The following BUB1B variants were observed in gnomAD, a reference collection of about 807,000 sequenced individuals.
The protein encoded by BUB1B is mitotic checkpoint serine/threonine-protein kinase BUB1 beta.
In BUB1B, 86 loss-of-function variants were observed where a neutral mutation model predicts 137.7. That is an observed-to-expected ratio of 0.62 (90% confidence interval 0.52 to 0.75). BUB1B has a LOEUF of 0.75. Ranked by LOEUF, BUB1B falls within the 30% of genes least tolerant of loss-of-function variation. The probability of loss-of-function intolerance (pLI) is 0.00; values close to 1 mark genes in which losing one functional copy is unlikely to be tolerated. For synonymous variants in BUB1B, 420 were observed against 417.9 expected, an observed-to-expected ratio of 1.00 and a Z score of -0.06; for missense variants, 1,130 against 1,236.9, an observed-to-expected ratio of 0.91 and a Z score of 1.30.
intron 13 of BUB1B, 37 bp from the exon 14 acceptor site, chr15:40,202,551 AT>A: frequency 6.2e-7 from 1 of 1,603,440 alleles, no homozygotes; most frequent in Non-Finnish European, 8.5e-7. Flanking sequence ...GGTTACTGTT[AT>A]GAAAAAAATT....
At chr15:40,208,962 TG>T (rs2037674112) in intron 16 of BUB1B, among the ~76,000 whole-genome samples, 192 bp downstream of exon 16, 1 of 152,094 alleles carries the variant, frequency 6.6e-6, no homozygotes, top group African/African-American at 2.4e-5. Flanking sequence ...GGACCACAAC[TG>T]TGCCACCACC....
chr15:40,212,764 G>C, intron 19 of BUB1B, 116 bp downstream of exon 19: 1 of 948,798 alleles, frequency 1.1e-6, no homozygotes, highest in Non-Finnish European at 1.6e-6. Flanking sequence ...ACCAATTCAA[G>C]TATAAGTTAG....
At chr15:40,202,801 A>T (rs2037591335) in intron 14 of BUB1B, 107 bp downstream of exon 14, 5 of 956,604 alleles carry the variant, frequency 5.2e-6, no homozygotes, top group Non-Finnish European at 8.5e-6. Flanking sequence ...AATTAAGCAC[A>T]TGAAAAGATG....
At chr15:40,178,577 AGTTGACTG>A (rs1430714531) in intron 5 of BUB1B, among the ~76,000 whole-genome samples, 1 of 152,126 alleles carries the variant, frequency 6.6e-6, no homozygotes, top group Non-Finnish European at 1.5e-5. Context: ...ATTTAGGGCA[AGTTGACTG>A]GTAGTCTGTT....
intron 6 of BUB1B, among the ~76,000 whole-genome samples, chr15:40,184,531 G>A (rs2037335807): frequency 6.6e-6 from 1 of 152,118 alleles, no homozygotes; most frequent in Non-Finnish European, 1.5e-5. Flanking sequence ...AAGGTACAGA[G>A]AATAATAAGC....
chr15:40,182,274 G>A (rs980741360), intron 5 of BUB1B, among the ~76,000 whole-genome samples: 35 of 152,238 alleles, frequency 2.3e-4, no homozygotes, highest in African/African-American at 7.9e-4. Flanking sequence ...TTTGCTTATT[G>A]TTTTTTCCTT....
rs778552195 is a variant in BUB1B at position 40,217,539 on chromosome 15, A to AAGATAG, written c.2723_2728dup (p.Ile909_Val910insGluIle). ...TTGTAACAAGAACAATCAAGCTTTGAAGATAGTGGACTTTTCCTACAGTGT... is the reference window on the plus strand; with the variant it reads ...TTGTAACAAGAACAATCAAGCTTTGAAGATAGAGATAGTGGACTTTTCCTACAGTGT... On this transcript the variant is annotated inframe_insertion, in exon 21 of 23. Transcript: ENST00000287598. 1 of 1,614,116 alleles carries AAGATAG rather than the reference A, an allele frequency of 6.2e-7. No homozygotes were observed.
intron 2 of BUB1B, among the ~76,000 whole-genome samples, chr15:40,167,916 ACT>A (rs2140880237): frequency 6.6e-6 from 1 of 152,192 alleles, no homozygotes; most frequent in East Asian, 1.9e-4. Flanking sequence ...AATAAAATAC[ACT>A]GTTTTGATTA....
intron 8 of BUB1B, among the ~76,000 whole-genome samples, chr15:40,194,146 C>T (rs1318096286): frequency 6.6e-6 from 1 of 151,944 alleles, no homozygotes; most frequent in Non-Finnish European, 1.5e-5. Flanking sequence ...TTACATGCTG[C>T]CTTGAGATGT....
intron 4 of BUB1B, among the ~76,000 whole-genome samples, chr15:40,174,732 G>A (rs1308328011): frequency 1.3e-5 from 2 of 152,178 alleles, no homozygotes; most frequent in Admixed American, 1.3e-4. Flanking sequence ...TTGGGAGGCC[G>A]AGGTGGGTGG....
chr15:40,186,430 CTTTTTTTTTTTT>C (rs769074759), intron 8 of BUB1B, among the ~76,000 whole-genome samples: 3 of 67,356 alleles, frequency 4.5e-5, no homozygotes, highest in African/African-American at 5.9e-5. Flanking sequence ...TTGCCTAGTT[CTTTTTTTTTTTT>C]TTTTTTTTTT....
chr15:40,179,984 A>ATC (rs1219445140), intron 5 of BUB1B, among the ~76,000 whole-genome samples: 70 of 147,994 alleles, frequency 4.7e-4, no homozygotes, highest in African/African-American at 1.6e-3. Flanking sequence ...ATATATATAT[A>ATC]TATATCTCTT....
In BUB1B at chr15:40,161,092, T is replaced by G; in HGVS notation, c.-129T>G. 7.9e-7 allele frequency: 1 copy of G among 1,267,852 alleles called. No homozygotes were observed. Among genetic ancestry groups the G allele is most frequent in the Non-Finnish European group, 1.1e-6 (1 of 915,722 alleles). The allele number at this position is 1,267,852 out of a possible 1,614,324, so 78.5% of individuals were successfully genotyped here. A position where few individuals can be genotyped will look rare whatever the true frequency, so the allele number is the denominator to read the frequency against. On this transcript the variant is annotated 5_prime_UTR_variant, in exon 1 of 23. Coordinates refer to ENST00000287598, the MANE Select transcript of BUB1B (RefSeq NM_001211.6). ...GTGTGGGCTTGAGGTGGCCGGTTTG[T>G]TAGGGAGTCGTGTACGTGCCTTGGT...
At chr15:40,212,828 T>A (rs574592749) in intron 19 of BUB1B, among the ~76,000 whole-genome samples, 180 bp downstream of exon 19, 1 of 152,354 alleles carries the variant, frequency 6.6e-6, no homozygotes, top group East Asian at 1.9e-4. Flanking sequence ...GGTATTTTTT[T>A]AACTTTTTTT....
intron 5 of BUB1B, among the ~76,000 whole-genome samples, chr15:40,180,076 C>T (rs2037267163): frequency 1.3e-5 from 2 of 151,002 alleles, no homozygotes; most frequent in Non-Finnish European, 1.5e-5. Flanking sequence ...TCCAAGTTCC[C>T]TTCTAGTATC....
chr15:40,193,995 T>G (rs2140896873), intron 8 of BUB1B, among the ~76,000 whole-genome samples: 1 of 152,268 alleles, frequency 6.6e-6, no homozygotes, highest in South Asian at 2.1e-4. Flanking sequence ...AGTGCTGGAA[T>G]TACAGGCCAC....
At chr15:40,199,845 A>G in intron 10 of BUB1B, 118 bp downstream of exon 10, 1 of 795,340 alleles carries the variant, frequency 1.3e-6, no homozygotes, top group Non-Finnish European at 2.1e-6. Context: ...GTAGTTTCTT[A>G]GCTGTTAGTA....
At chr15:40,185,700 C>T in intron 8 of BUB1B, 58 bp downstream of exon 8, 1 of 1,492,420 alleles carries the variant, frequency 6.7e-7, no homozygotes, top group Non-Finnish European at 9.3e-7. Flanking sequence ...GCAGAGGCAC[C>T]TATTCTACTT....
intron 5 of BUB1B, among the ~76,000 whole-genome samples, chr15:40,178,476 C>A (rs544073420): frequency 3.1e-4 from 47 of 152,082 alleles, no homozygotes; most frequent in Middle Eastern, 6.8e-3. Context: ...TGTTTTATCA[C>A]CCAGATTATG....
Sources: allele counts gnomAD v4.1 joint callset (sites outside exome capture counted in the v4.1 genomes callset), GRCh38; gene constraint gnomAD v4.1.1; transcripts MANE v1.5; gene names NCBI Gene and HGNC (gene_info 2026-07-23, HGNC 2026-07-21).